Variants in CCDC7 observed in about 807,000 individuals in gnomAD.
The protein encoded by CCDC7 is coiled-coil domain-containing protein 7.
A neutral mutation model predicts 196.9 loss-of-function variants in CCDC7; 183 were observed. That is an observed-to-expected ratio of 0.93 (90% CI 0.82 to 1.05). The LOEUF (loss-of-function observed/expected upper bound fraction) is 1.05, where lower values mean the gene tolerates loss of function less well. CCDC7 is among the 50% of genes least tolerant of loss of function. The pLI, the probability that CCDC7 is intolerant of heterozygous loss-of-function variation, is 0.00. For synonymous variants in CCDC7, 525 were observed against 484.6 expected, an observed-to-expected ratio of 1.08 and a Z score of -1.10; for missense variants, 1,540 against 1,482.2, an observed-to-expected ratio of 1.04 and a Z score of -0.64.
At chr10:32,727,713 G>T (rs2083334926) in intron 26 of CCDC7, among the ~76,000 whole-genome samples, 1 of 152,088 alleles carries the variant, frequency 6.6e-6, no homozygotes, top group African/African-American at 2.4e-5. Flanking sequence ...TCGCTTTCCT[G>T]CTGGTCAGTC....
chr10:32,862,844 A>G (rs1010631560), intron 41 of CCDC7, among the ~76,000 whole-genome samples: 14 of 152,090 alleles, frequency 9.2e-5, no homozygotes, highest in Non-Finnish European at 1.8e-4. Flanking sequence ...CAAAAATCAG[A>G]TACATTTCTA....
intron 18 of CCDC7, among the ~76,000 whole-genome samples, chr10:32,597,318 C>T (rs1372831190): frequency 6.6e-6 from 1 of 152,180 alleles, no homozygotes; most frequent in Non-Finnish European, 1.5e-5. Flanking sequence ...AAATCGGCTA[C>T]TGAAGTTTGT....
intron 15 of CCDC7, among the ~76,000 whole-genome samples, chr10:32,568,352 T>C (rs2057148590): frequency 6.6e-6 from 1 of 152,152 alleles, no homozygotes; most frequent in African/African-American, 2.4e-5. Flanking sequence ...ATATGTCAAC[T>C]CATTATTATC....
chr10:32,670,670 C>T (rs1484323244), intron 21 of CCDC7, among the ~76,000 whole-genome samples: 1 of 151,666 alleles, frequency 6.6e-6, no homozygotes, highest in Non-Finnish European at 1.5e-5. Flanking sequence ...CGATAGTTTA[C>T]TGAGAATGAT....
chr10:32,853,398 A>G (rs548370218), intron 40 of CCDC7, among the ~76,000 whole-genome samples: 1 of 152,324 alleles, frequency 6.6e-6, no homozygotes, highest in African/African-American at 2.4e-5. Flanking sequence ...TGGCCTTTGA[A>G]TCTAAAAATA....
intron 29 of CCDC7, among the ~76,000 whole-genome samples, chr10:32,781,010 G>A (rs142351705): frequency 9.3e-4 from 142 of 152,104 alleles, no homozygotes; most frequent in African/African-American, 3.2e-3. Flanking sequence ...AGAATAAAAA[G>A]CATTGCAAGA....
chr10:32,719,597 G>T (rs1286691874), intron 25 of CCDC7, among the ~76,000 whole-genome samples: 1 of 152,132 alleles, frequency 6.6e-6, no homozygotes, highest in Non-Finnish European at 1.5e-5. Flanking sequence ...TATAGAATGG[G>T]AGAAAATTTT....
chr10:32,456,410 A>G (rs2034362186), intron 3 of CCDC7, 76 bp downstream of exon 4: 1 of 1,214,180 alleles, frequency 8.2e-7, no homozygotes, highest in South Asian at 2.5e-5. Flanking sequence ...TCTGCTATCC[A>G]GTCAGCCAAC....
At chr10:32,866,011 A>C (rs978710653) in intron 41 of CCDC7, among the ~76,000 whole-genome samples, 9 of 151,900 alleles carry the variant, frequency 5.9e-5, no homozygotes, top group African/African-American at 2.2e-4. Context: ...TCCTGCTCAG[A>C]GAACCTAAAA....
At chr10:32,733,955 AG>A (rs2084415070) in intron 28 of CCDC7, among the ~76,000 whole-genome samples, 2 of 152,204 alleles carry the variant, frequency 1.3e-5, no homozygotes, top group South Asian at 4.1e-4. Flanking sequence ...TGTGGAGAAA[AG>A]AGAACACTTA....
At chr10:32,651,591 CTCTG>C (rs369358902) in intron 20 of CCDC7, among the ~76,000 whole-genome samples, 19 of 152,260 alleles carry the variant, frequency 1.2e-4, no homozygotes, top group Non-Finnish European at 2.5e-4. Flanking sequence ...GGCAGGAGCA[CTCTG>C]TCTTACAGAC....
chr10:32,562,887 A>T (rs1258706390), intron 13 of CCDC7, among the ~76,000 whole-genome samples: 4 of 151,986 alleles, frequency 2.6e-5, no homozygotes, highest in African/African-American at 7.2e-5. Context: ...CATGATTGTC[A>T]TCTGGGCTAG....
intron 11 of CCDC7, among the ~76,000 whole-genome samples, chr10:32,541,049 G>GTTT (rs111604303): frequency 8.1e-5 from 12 of 147,602 alleles, no homozygotes; most frequent in Non-Finnish European, 1.2e-4. Context: ...AAATTTCTGA[G>GTTT]TTTTTTTTTT....
chr10:32,667,664 A>T (rs1293658122), intron 21 of CCDC7, among the ~76,000 whole-genome samples: 1 of 152,124 alleles, frequency 6.6e-6, no homozygotes, highest in African/African-American at 2.4e-5. Flanking sequence ...GGTTTGTCAA[A>T]GATCAGATGG....
chr10:32,749,743 A>G (rs1463724794), intron 28 of CCDC7, among the ~76,000 whole-genome samples: 1 of 152,192 alleles, frequency 6.6e-6, no homozygotes, highest in East Asian at 1.9e-4. Context: ...AATATTTGAG[A>G]GCAAGTATTC....
At position 32,829,691 on chromosome 10, in the gene CCDC7, C is replaced by A. The variant is rs141049054; in HGVS notation, c.3268+5087C>A. ...GGAGATGTGTACGGGTTCAAATTGACAAGGGATGGACTTATGATGGTTAAT... is the reference window on the plus strand; with the variant it reads ...GGAGATGTGTACGGGTTCAAATTGAAAAGGGATGGACTTATGATGGTTAAT... On this transcript the variant is annotated intron_variant, in intron 32 of 41. Transcript: ENST00000639629. Among the ~76,000 whole-genome samples, 1,073 of 152,008 alleles carry A rather than the reference C, an allele frequency of 7.1e-3. 13 individuals are homozygous for A. Among genetic ancestry groups the A allele is most frequent in the African/African-American group, 0.025 (1,024 of 41,464 alleles).
At chr10:32,822,242 C>T (rs1473831110) in intron 31 of CCDC7, among the ~76,000 whole-genome samples, 5 of 152,094 alleles carry the variant, frequency 3.3e-5, no homozygotes, top group Non-Finnish European at 7.4e-5. Flanking sequence ...AATATATATT[C>T]CACCTTCTTT....
At chr10:32,812,831 A>G (rs1355502615) in intron 30 of CCDC7, among the ~76,000 whole-genome samples, 3 of 152,102 alleles carry the variant, frequency 2.0e-5, no homozygotes, top group Non-Finnish European at 4.4e-5. Context: ...TTTCAAATGA[A>G]CCCGTCCTTC....
At chr10:32,658,853 T>C (rs1216172835) in intron 20 of CCDC7, among the ~76,000 whole-genome samples, 1 of 152,230 alleles carries the variant, frequency 6.6e-6, no homozygotes, top group Admixed American at 6.5e-5. Flanking sequence ...TTGTTCATAA[T>C]AGTCATAATT....
Sources: allele counts gnomAD v4.1 joint callset (sites outside exome capture counted in the v4.1 genomes callset), GRCh38; gene constraint gnomAD v4.1.1; transcripts MANE v1.5; gene names NCBI Gene and HGNC (gene_info 2026-07-23, HGNC 2026-07-21).